NETO1: variants seen among roughly 807,000 people sequenced by gnomAD.
NETO1 encodes the protein neuropilin and tolloid-like protein 1.
Under a neutral mutation model 61.3 loss-of-function variants are expected in NETO1, and 26 were observed. The observed-to-expected ratio is 0.42, with a 90% CI of 0.31 to 0.59. NETO1 has a LOEUF of 0.59. NETO1 is among the 20% of genes least tolerant of loss of function. The probability of loss-of-function intolerance (pLI) is 0.12; values close to 1 mark genes in which losing one functional copy is unlikely to be tolerated. For missense variants in NETO1, 531 were observed against 662.8 expected (o/e 0.80, Z 2.18); for synonymous variants, 225 against 225.8 (o/e 1.00, Z 0.03).
intron 4 of NETO1, among the ~76,000 whole-genome samples, chr18:72,806,040 C>A (rs1376873478): frequency 6.6e-6 from 1 of 152,070 alleles, no homozygotes; most frequent in Non-Finnish European, 1.5e-5. Context: ...AATGCTGCCC[C>A]AGGAAACAAG....
intron 1 of NETO1, chr18:72,866,874 C>T: frequency 1.2e-6 from 1 of 854,662 alleles, no homozygotes; most frequent in Non-Finnish European, 1.4e-6. Flanking sequence ...CCGCCGAGCT[C>T]CGGGAGCCCC....
intron 4 of NETO1, among the ~76,000 whole-genome samples, chr18:72,831,398 C>T (rs996179157): frequency 1.3e-5 from 2 of 152,146 alleles, no homozygotes; most frequent in Admixed American, 6.6e-5. Context: ...CTCAAAGGTA[C>T]CTCAAATGAA....
At chr18:72,768,902 T>C (rs1027725338) in intron 7 of NETO1, among the ~76,000 whole-genome samples, 1 of 152,232 alleles carries the variant, frequency 6.6e-6, no homozygotes, top group African/African-American at 2.4e-5. Flanking sequence ...TTGTGTTATC[T>C]GATGCTTCTA....
chr18:72,783,761 G>T lies in NETO1; in HGVS notation c.785C>A (p.Thr262Lys). Residue 262 changes from threonine (T) to lysine (K), a missense_variant, in exon 7 of 11, where the codon ACG becomes AAG. Thr to Lys is a moderately conservative substitution (Grantham distance 78). Coordinates refer to ENST00000327305, the MANE Select transcript of NETO1 (RefSeq NM_138966.5). ...STVANDVMLR[T>K]GLGVIRMWAD... ...CCACATGCGGATCACCCCAAGACCC[G>T]TGCGTAGCATGACATCATTAGCCAC... 1 of 1,614,172 alleles carries T rather than the reference G, an allele frequency of 6.2e-7. No individual in the cohort carries two copies. The highest frequency in any genetic ancestry group is 1.1e-5 in the South Asian group (1 of 91,086).
chr18:72,796,784 C>T (rs1383323886), intron 4 of NETO1, among the ~76,000 whole-genome samples: 1 of 151,592 alleles, frequency 6.6e-6, no homozygotes, highest in Non-Finnish European at 1.5e-5. Context: ...TTTAAAAAAT[C>T]TTTTTAGAAA....
intron 7 of NETO1, among the ~76,000 whole-genome samples, chr18:72,782,582 A>T (rs1480684967): frequency 2.6e-5 from 4 of 152,162 alleles, no homozygotes; most frequent in African/African-American, 4.8e-5. Context: ...AGGCAGGCCG[A>T]TCACCTGAGG....
intron 4 of NETO1, among the ~76,000 whole-genome samples, chr18:72,828,033 C>T (rs2073440663): frequency 6.6e-6 from 1 of 152,202 alleles, no homozygotes; most frequent in Non-Finnish European, 1.5e-5. Flanking sequence ...AAAAATGCAG[C>T]CAGGCGTGGT....
intron 4 of NETO1, among the ~76,000 whole-genome samples, chr18:72,854,927 T>C (rs1486850983): frequency 2.6e-5 from 4 of 152,176 alleles, no homozygotes; most frequent in Admixed American, 2.6e-4. Context: ...CTATCCCTTA[T>C]CTGAGGTAAC....
chr18:72,854,237 C>T (rs757550290), intron 4 of NETO1, among the ~76,000 whole-genome samples: 2 of 152,140 alleles, frequency 1.3e-5, no homozygotes, highest in African/African-American at 2.4e-5. Flanking sequence ...TACAAAATAT[C>T]GTAATAATTT....
Position 72,809,324 on chromosome 18 carries a change from ATACT to A in NETO1, c.470-14924_470-14921del, listed in dbSNP as rs144975199. ...ATGAAAATAATCAAAAGTATGTCAAATACTTAATTTCTTAAAAAGCCACCGACGA... is the reference window on the plus strand; with the variant it reads ...ATGAAAATAATCAAAAGTATGTCAAATAATTTCTTAAAAAGCCACCGACGA... On this transcript the variant is annotated intron_variant, in intron 4 of 10. Coordinates refer to ENST00000327305, the MANE Select transcript of NETO1 (RefSeq NM_138966.5). Among the ~76,000 whole-genome samples, 989 of 152,358 alleles carry A rather than the reference ATACT, an allele frequency of 6.5e-3. 15 individuals are homozygous for A. The highest frequency in any genetic ancestry group is 0.023 in the African/African-American group (953 of 41,582).
At chr18:72,761,947 A>C (rs1294414514) in intron 7 of NETO1, among the ~76,000 whole-genome samples, 16 of 152,180 alleles carry the variant, frequency 1.1e-4, no homozygotes, top group Non-Finnish European at 2.1e-4. Flanking sequence ...AAAGATTCAA[A>C]GAAGTCATGA....
intron 4 of NETO1, among the ~76,000 whole-genome samples, chr18:72,842,416 T>C (rs1207749657): frequency 6.6e-6 from 1 of 152,168 alleles, no homozygotes; most frequent in Non-Finnish European, 1.5e-5. Flanking sequence ...ATGGCTAATA[T>C]GGCGATGGTG....
chr18:72,859,520 A>G (rs1017826859), intron 3 of NETO1, among the ~76,000 whole-genome samples: 2 of 152,226 alleles, frequency 1.3e-5, no homozygotes, highest in Non-Finnish European at 2.9e-5. Context: ...CCATGTGTCT[A>G]GATCAGATCC....
intron 4 of NETO1, among the ~76,000 whole-genome samples, chr18:72,826,973 G>A (rs2073394693): frequency 6.6e-6 from 1 of 152,022 alleles, no homozygotes; most frequent in Non-Finnish European, 1.5e-5. Flanking sequence ...CCTTATCTCA[G>A]GATGCTGCAC....
chr18:72,820,360 T>C (rs1259671440), intron 4 of NETO1, among the ~76,000 whole-genome samples: 2 of 152,214 alleles, frequency 1.3e-5, no homozygotes, highest in African/African-American at 4.8e-5. Context: ...TTGGAAACCA[T>C]TCAGACTGGA....
At chr18:72,804,601 T>A (rs2072614572) in intron 4 of NETO1, among the ~76,000 whole-genome samples, 1 of 152,244 alleles carries the variant, frequency 6.6e-6, no homozygotes. Context: ...AGTCTTATTT[T>A]CCTTAACTGA....
chr18:72,788,480 T>A (rs1342363792), intron 6 of NETO1, among the ~76,000 whole-genome samples: 2 of 152,092 alleles, frequency 1.3e-5, no homozygotes, highest in African/African-American at 4.8e-5. Flanking sequence ...CTCATTAGCT[T>A]AAATCTTGTA....
chr18:72,792,229 C>T (rs1329237601), intron 6 of NETO1, among the ~76,000 whole-genome samples: 4 of 152,016 alleles, frequency 2.6e-5, no homozygotes, highest in Non-Finnish European at 5.9e-5. Flanking sequence ...ATCAAGAGTT[C>T]GAGACCAGCC....
chr18:72,769,817 C>T (rs1193884612), intron 7 of NETO1, among the ~76,000 whole-genome samples: 2 of 152,074 alleles, frequency 1.3e-5, no homozygotes, highest in East Asian at 3.9e-4. Context: ...ACCACATCAT[C>T]TTAATAAAGA....
Sources: allele counts gnomAD v4.1 joint callset (sites outside exome capture counted in the v4.1 genomes callset), GRCh38; gene constraint gnomAD v4.1.1; transcripts MANE v1.5; gene names NCBI Gene and HGNC (gene_info 2026-07-23, HGNC 2026-07-21).